COL15A1: variants seen among roughly 807,000 people sequenced by gnomAD.
COL15A1 encodes collagen type XV alpha 1 chain, also known as collagen alpha-1(XV) chain.
Under a neutral mutation model 165.9 loss-of-function variants are expected in COL15A1, and 111 were observed. That is an observed-to-expected ratio of 0.67 (90% confidence interval 0.57 to 0.78). The LOEUF (loss-of-function observed/expected upper bound fraction) is 0.78. Among genes scored for constraint, COL15A1 ranks in the 30% least tolerant of loss-of-function variants. COL15A1 has a pLI of 0.00. For missense variants in COL15A1, 1,745 were observed against 1,789.7 expected (o/e 0.98, Z 0.45); for synonymous variants, 659 against 674.8 (o/e 0.98, Z 0.36).
intron 11 of COL15A1, among the ~76,000 whole-genome samples, chr9:99,016,944 C>T (rs1214462921): frequency 6.6e-6 from 1 of 152,218 alleles, no homozygotes; most frequent in Non-Finnish European, 1.5e-5. Flanking sequence ...ATCAGGACAG[C>T]CCCCTGAGGT....
intron 30 of COL15A1, among the ~76,000 whole-genome samples, chr9:99,051,264 A>G (rs990514710): frequency 2.0e-5 from 3 of 152,208 alleles, no homozygotes; most frequent in Admixed American, 6.5e-5. Context: ...TGCTACTGCA[A>G]TTATCATGAC....
chr9:98,994,526 T>C (rs1354642471), intron 5 of COL15A1, among the ~76,000 whole-genome samples: 3 of 152,144 alleles, frequency 2.0e-5, no homozygotes, highest in Non-Finnish European at 1.5e-5. Context: ...CGCCATCCCA[T>C]GCATCACTCC....
At position 99,048,010 on chromosome 9, in the gene COL15A1, C is replaced by T; in HGVS notation, c.2793+10C>T. 1 of 1,503,510 alleles carries T rather than the reference C, an allele frequency of 6.7e-7. No homozygotes were observed. The highest frequency in any genetic ancestry group is 9.1e-7 in the Non-Finnish European group (1 of 1,096,216). 93.1% of individuals were successfully genotyped at this position (1,503,510 alleles called of 1,614,324 possible). On this transcript the variant is annotated intron_variant, in intron 28 of 41. Transcript: ENST00000375001. ...AGGGGTCATTATGCAGGTGAGTCAC[C>T]CTGGGGATGGAGCCGGAGGTTGGTG...
intron 11 of COL15A1, among the ~76,000 whole-genome samples, chr9:99,017,041 A>T (rs1361329372): frequency 1.3e-5 from 2 of 152,202 alleles, no homozygotes; most frequent in Non-Finnish European, 2.9e-5. Context: ...TCATTCGTTG[A>T]TTCACTCATT....
intron 2 of COL15A1, among the ~76,000 whole-genome samples, chr9:98,967,300 G>T (rs373578033): frequency 6.6e-6 from 1 of 152,170 alleles, no homozygotes; most frequent in Non-Finnish European, 1.5e-5. Context: ...GGTGTGTGCC[G>T]ACCCTTCTCT....
At chr9:98,999,030 G>C (rs983602209) in intron 6 of COL15A1, among the ~76,000 whole-genome samples, 1 of 152,224 alleles carries the variant, frequency 6.6e-6, no homozygotes, top group Non-Finnish European at 1.5e-5. Flanking sequence ...GCAATCGGCT[G>C]CTTGCACGGC....
Position 98,963,027 on chromosome 9 carries a change from C to T in COL15A1, c.100+18777C>T, listed in dbSNP as rs965577167. 1.4e-4 allele frequency among the ~76,000 whole-genome samples: 22 copies of T among 152,312 alleles called. 1 individual carries two copies. Among genetic ancestry groups the T allele is most frequent in the East Asian group, 9.6e-4 (5 of 5,182 alleles). ...TCCACGTTTACCTTTCCAGGAATAGCGTGTGGAGCTGCTTTAGCATGGAGA... is the reference window on the plus strand; with the variant it reads ...TCCACGTTTACCTTTCCAGGAATAGTGTGTGGAGCTGCTTTAGCATGGAGA... On this transcript the variant is annotated intron_variant, in intron 2 of 41. Coordinates refer to ENST00000375001, the MANE Select transcript of COL15A1 (RefSeq NM_001855.5).
intron 5 of COL15A1, among the ~76,000 whole-genome samples, chr9:98,992,672 A>G (rs1838464877): frequency 1.3e-5 from 2 of 152,256 alleles, no homozygotes; most frequent in South Asian, 4.1e-4. Flanking sequence ...TATTGTATGC[A>G]TGATTTCACT....
Position 99,049,750 on chromosome 9 carries a change from A to C in COL15A1, c.2854A>C (p.Ile952Leu). The C allele has an allele frequency of 1.2e-6, 2 of 1,614,232 alleles. No individual in the cohort carries two copies. The highest frequency in any genetic ancestry group is 8.5e-7 in the Non-Finnish European group (1 of 1,180,044). Residue 952 changes from isoleucine (I) to leucine (L), a missense_variant, in exon 29 of 42, where the codon ATC becomes CTC. By Grantham distance (5) the Ile-to-Leu change is conservative. Coordinates refer to ENST00000375001, the MANE Select transcript of COL15A1 (RefSeq NM_001855.5). ...PPGPPGAVIN[I>L]KGAIFPIPVR... ...TGGGCCACCTGGAGCTGTGATTAAC[A>C]TCAAAGGAGTAAGTTGGCACGCAGT... is the stretch of plus-strand genomic sequence containing the variant.
chr9:99,035,668 T>C (rs1839288792), intron 19 of COL15A1, among the ~76,000 whole-genome samples: 6 of 152,198 alleles, frequency 3.9e-5, no homozygotes, highest in Admixed American at 3.9e-4. Context: ...TCTTCATCTA[T>C]TTCTCTCTCT....
chr9:98,944,346 C>A (rs1837540154), intron 2 of COL15A1, 96 bp downstream of exon 2: 1 of 1,239,730 alleles, frequency 8.1e-7, no homozygotes, highest in Admixed American at 2.0e-5. Flanking sequence ...GTGCCTCATT[C>A]CTGGACATAA....
chr9:99,061,932 A>G (rs2117971499), intron 36 of COL15A1, 39 bp from the exon 37 acceptor site: 1 of 1,594,402 alleles, frequency 6.3e-7, no homozygotes, highest in African/African-American at 1.3e-5. Flanking sequence ...CATTCCTCTA[A>G]TGATAATGGC....
At chr9:98,972,808 G>C (rs1227961372) in intron 2 of COL15A1, among the ~76,000 whole-genome samples, 2 of 152,186 alleles carry the variant, frequency 1.3e-5, no homozygotes, top group African/African-American at 4.8e-5. Flanking sequence ...TGTCTGGGAG[G>C]AAGGATGGAG....
intron 30 of COL15A1, among the ~76,000 whole-genome samples, chr9:99,051,986 C>T (rs1011322524): frequency 1.4e-4 from 22 of 152,204 alleles, no homozygotes; most frequent in African/African-American, 4.1e-4. Flanking sequence ...CCCGGTTTCA[C>T]GGTTGGGCAT....
chr9:99,055,227 T>A, intron 33 of COL15A1, 35 bp from the exon 34 acceptor site: 4 of 1,585,280 alleles, frequency 2.5e-6, no homozygotes, highest in Non-Finnish European at 3.5e-6. Context: ...TTCATCCCAC[T>A]CTTACTGAAA....
rs749742813 is a variant in COL15A1, at chr9:99,044,747, A to G, written c.2656A>G (p.Met886Val). 1 of 1,613,874 alleles carries G rather than the reference A, an allele frequency of 6.2e-7. No individual in the cohort carries two copies. Among genetic ancestry groups the G allele is most frequent in the Non-Finnish European group, 8.5e-7 (1 of 1,179,850 alleles). The change falls in exon 26 of 42, where the codon ATG becomes GTG. Residue 886 changes from methionine (M) to valine (V), a missense_variant. By Grantham distance (21) the Met-to-Val change is conservative. Coordinates refer to ENST00000375001, the MANE Select transcript of COL15A1 (RefSeq NM_001855.5). ...CTTCCTGTTTTAGGGTGAACCTGGA[A>G]TGCATGGAGCCCCAGGACCAATGGT... is the stretch of plus-strand genomic sequence containing the variant. ...RLMGKKGEPG[M>V]HGAPGPMGPK...
chr9:99,069,944 C>T lies in COL15A1; in HGVS notation c.*58C>T, dbSNP rs1825958202. The T allele has an allele frequency of 3.7e-6, 5 of 1,345,896 alleles. No homozygotes were observed. Among genetic ancestry groups the T allele is most frequent in the Non-Finnish European group, 5.2e-6 (5 of 969,294 alleles). 83.4% of individuals were successfully genotyped at this position (1,345,896 alleles called of 1,614,324 possible). ...TTTTTTCTTATGTGAAGAGTTGACA[C>T]TGAAATCTAAAATGTTTAATTGTTG... On this transcript the variant is annotated 3_prime_UTR_variant, in exon 42 of 42. Coordinates refer to ENST00000375001, the MANE Select transcript of COL15A1 (RefSeq NM_001855.5).
At chr9:98,986,285 C>T (rs1013171660) in intron 3 of COL15A1, 173 bp downstream of exon 3, 2 of 599,434 alleles carry the variant, frequency 3.3e-6, no homozygotes, top group African/African-American at 3.7e-5. Context: ...GATTTCCATC[C>T]TCAGTTTTCA....
At chr9:99,039,479 A>C (rs1207994634) in intron 22 of COL15A1, among the ~76,000 whole-genome samples, 1 of 152,254 alleles carries the variant, frequency 6.6e-6, no homozygotes, top group African/African-American at 2.4e-5. Flanking sequence ...ACTGCACCCC[A>C]GGCTGGGTGA....
Sources: gnomAD v4.1 joint callset for allele counts (sites outside exome capture counted in the v4.1 genomes callset) on GRCh38, gnomAD v4.1.1 for gene constraint, MANE v1.5 for transcripts, NCBI Gene and HGNC (gene_info 2026-07-23, HGNC 2026-07-21) for gene names.